Variants in APPL1 observed in about 807,000 individuals in gnomAD.
The protein encoded by APPL1 is adaptor protein, phosphotyrosine interacting with PH domain and leucine zipper 1.
Under a neutral mutation model 106.8 loss-of-function variants are expected in APPL1, and 42 were observed. The observed-to-expected ratio is 0.39, with a 90% CI of 0.31 to 0.51. APPL1 has a LOEUF of 0.51. Among genes scored for constraint, APPL1 ranks in the 20% least tolerant of loss-of-function variants. The probability of loss-of-function intolerance (pLI) is 0.75; values close to 1 mark genes in which losing one functional copy is unlikely to be tolerated. For missense variants in APPL1, 769 were observed against 858.2 expected, an observed-to-expected ratio of 0.90 and a Z score of 1.30; for synonymous variants, 263 against 281.8, an observed-to-expected ratio of 0.93 and a Z score of 0.67.
chr3:57,252,209 C>T (rs556281966), intron 11 of APPL1, 60 bp from the exon 12 acceptor site: 13 of 1,394,286 alleles, frequency 9.3e-6, no homozygotes, highest in Admixed American at 6.3e-5. Flanking sequence ...AAAGTTACCT[C>T]GGATTATGTT....
intron 1 of APPL1, among the ~76,000 whole-genome samples, chr3:57,230,164 C>T (rs1289450458): frequency 6.6e-6 from 1 of 152,152 alleles, no homozygotes; most frequent in African/African-American, 2.4e-5. Context: ...ATTCTTAGGT[C>T]GAACCTGTGG....
At chr3:57,253,453 G>A (rs983662518) in intron 12 of APPL1, among the ~76,000 whole-genome samples, 1 of 151,504 alleles carries the variant, frequency 6.6e-6, no homozygotes, top group Non-Finnish European at 1.5e-5. Flanking sequence ...TGTTGAATGT[G>A]CTTTTATATA....
At chr3:57,237,351 C>T in intron 2 of APPL1, 141 bp from the exon 3 acceptor site, 2 of 605,668 alleles carry the variant, frequency 3.3e-6, no homozygotes, top group Non-Finnish European at 5.8e-6. Context: ...ATGGTAGTAC[C>T]CCTTTCCAGT....
Position 57,260,149 on chromosome 3 carries a change from T to C in APPL1, c.1691T>C (p.Leu564Pro). 1 of 1,603,858 alleles carries C rather than the reference T, an allele frequency of 6.2e-7. No individual in the cohort carries two copies. Among genetic ancestry groups the C allele is most frequent in the Non-Finnish European group, 8.5e-7 (1 of 1,178,074 alleles). Residue 564 changes from leucine (L) to proline (P), a missense_variant, in exon 18 of 22, where the codon CTC becomes CCC. Physicochemically the swap from Leu to Pro is moderately conservative, Grantham distance 98. Coordinates refer to ENST00000288266, the MANE Select transcript of APPL1 (RefSeq NM_012096.3). ...LIDPQTQVTR[L>P]TFPLPCVVLY... ...GATCCACAGACACAAGTTACAAGGC[T>C]CACGGTGAGTTCCACATGATTTAAG...
At chr3:57,252,478 TTCTTAA>T (rs1248264742) in intron 12 of APPL1, among the ~76,000 whole-genome samples, 167 bp downstream of exon 12, 1 of 152,208 alleles carries the variant, frequency 6.6e-6, no homozygotes, top group Non-Finnish European at 1.5e-5. Context: ...TCGAGCAATA[TTCTTAA>T]GTTTCTCACA....
intron 13 of APPL1, among the ~76,000 whole-genome samples, chr3:57,253,990 G>T (rs1040450251): frequency 6.6e-6 from 1 of 151,782 alleles, no homozygotes; most frequent in Non-Finnish European, 1.5e-5. Flanking sequence ...AGCCTCACCA[G>T]TAGCTGAGAT....
chr3:57,272,085 T>G lies in APPL1; in HGVS notation c.*2398T>G, dbSNP rs992979332. The G allele has an allele frequency of 6.6e-6, 1 of 152,214 alleles. No homozygotes were observed. The highest frequency in any genetic ancestry group is 1.5e-5 in the Non-Finnish European group (1 of 68,036). The allele number at this position is 152,214 out of a possible 1,614,324, so 9.4% of individuals were successfully genotyped here. On this transcript the variant is annotated 3_prime_UTR_variant, in exon 22 of 22. Transcript: ENST00000288266. ...ACTGGATTCGATTTTGGGATATCTT[T>G]TCTCACATTCAGACTTACACTTAAT...
intron 1 of APPL1, among the ~76,000 whole-genome samples, chr3:57,230,145 T>G (rs1223914511): frequency 6.6e-5 from 10 of 152,222 alleles, no homozygotes; most frequent in Admixed American, 6.5e-4. Context: ...GTGTACATAC[T>G]TGGAGGTGAT....
intron 1 of APPL1, among the ~76,000 whole-genome samples, chr3:57,232,914 A>G (rs2060694948): frequency 6.6e-6 from 1 of 152,160 alleles, no homozygotes; most frequent in Admixed American, 6.5e-5. Context: ...AGGCAGGAGA[A>G]TGGCATGAAT....
intron 19 of APPL1, among the ~76,000 whole-genome samples, chr3:57,261,705 A>G (rs1446620836): frequency 6.6e-6 from 1 of 151,864 alleles, no homozygotes; most frequent in Non-Finnish European, 1.5e-5. Context: ...TTTTTAGTAG[A>G]GACGGGGTTT....
chr3:57,230,691 T>C (rs1010294857), intron 1 of APPL1: 6 of 399,396 alleles, frequency 1.5e-5, no homozygotes, highest in Non-Finnish European at 3.0e-5. Flanking sequence ...AATTTTCTTC[T>C]CAGTTTGAAC....
Position 57,252,271 on chromosome 3 carries a change from C to T in APPL1, c.1055C>T (p.Ser352Phe). ...CTCAAACGTCTCTTCTCTTCCAGATCTTCAATTTTGCAAGCAGAGAGTAAA... is the reference window on the plus strand; with the variant it reads ...CTCAAACGTCTCTTCTCTTCCAGATTTTCAATTTTGCAAGCAGAGAGTAAA... ...FQITSFDGKK[S>F]SILQAESKKD... Residue 352 changes from serine to phenylalanine, a missense_variant and splice_region_variant, in exon 12 of 22, where the codon TCT becomes TTT. Physicochemically the swap from Ser to Phe is radical, Grantham distance 155 (BLOSUM62 -2). Transcript: ENST00000288266. 1 of 1,608,946 alleles carries T rather than the reference C, an allele frequency of 6.2e-7. No homozygotes were observed. The highest frequency in any genetic ancestry group is 8.5e-7 in the Non-Finnish European group (1 of 1,177,932).
chr3:57,245,797 G>A (rs1247884790), intron 7 of APPL1, among the ~76,000 whole-genome samples: 2 of 151,908 alleles, frequency 1.3e-5, no homozygotes, highest in Admixed American at 1.3e-4. Context: ...GTCCCGCCTC[G>A]GCCTCCCAAA....
Position 57,233,499 on chromosome 3 carries a change from C to A in APPL1, c.55-2067C>A, listed in dbSNP as rs916166535. Among the ~76,000 whole-genome samples the A allele has an allele frequency of 2.8e-3, 397 of 140,692 alleles. 3 individuals are homozygous for A. The highest frequency in any genetic ancestry group is 4.1e-3 in the Admixed American group (57 of 13,960). The allele number at this position is 140,692 out of a possible 152,430, so 92.3% of individuals were successfully genotyped here. A position where few individuals can be genotyped will look rare whatever the true frequency, so the allele number is the denominator to read the frequency against. ...TACCCATTTTTAGAAAAAAAAAAAA[C>A]AAAACAGAAACGAAGCGGCAGATTT... On this transcript the variant is annotated intron_variant, in intron 1 of 21. Coordinates refer to ENST00000288266, the MANE Select transcript of APPL1 (RefSeq NM_012096.3).
intron 19 of APPL1, among the ~76,000 whole-genome samples, chr3:57,265,273 C>T (rs2060888710): frequency 1.3e-5 from 2 of 152,072 alleles, no homozygotes; most frequent in Non-Finnish European, 2.9e-5. Context: ...CTCAGCCTCC[C>T]AGGTACCTGG....
intron 19 of APPL1, among the ~76,000 whole-genome samples, chr3:57,265,572 T>C (rs1373648928): frequency 6.6e-6 from 1 of 152,232 alleles, no homozygotes; most frequent in Admixed American, 6.5e-5. Context: ...TGTTGGCATA[T>C]AGAAATGCTA....
intron 7 of APPL1, among the ~76,000 whole-genome samples, chr3:57,245,411 C>T (rs1055388770): frequency 6.6e-6 from 1 of 152,168 alleles, no homozygotes; most frequent in African/African-American, 2.4e-5. Context: ...GTGAACTGAT[C>T]AAAGTCAAAG....
At chr3:57,251,496 G>T (rs2107604630) in intron 11 of APPL1, among the ~76,000 whole-genome samples, 1 of 147,828 alleles carries the variant, frequency 6.8e-6, no homozygotes, top group Middle Eastern at 3.6e-3. Flanking sequence ...CTGCACTTCA[G>T]CCTGGGTGAC....
rs1196690711 is a variant in APPL1, at chr3:57,271,442, C to G, written c.*1755C>G. 1 of 152,438 alleles carries G rather than the reference C, an allele frequency of 6.6e-6. No individual in the cohort carries two copies. The highest frequency in any genetic ancestry group is 2.4e-5 in the African/African-American group (1 of 41,402). 9.4% of individuals were successfully genotyped at this position (152,438 alleles called of 1,614,324 possible). ...ATGCTTTCACAATAGTGTATCAGTT[C>G]TTTTGTTTTGTTAAAGTTGGAATTT... On this transcript the variant is annotated 3_prime_UTR_variant, in exon 22 of 22. Coordinates refer to ENST00000288266, the MANE Select transcript of APPL1 (RefSeq NM_012096.3).
Sources: gnomAD v4.1 joint callset for allele counts (sites outside exome capture counted in the v4.1 genomes callset) on GRCh38, gnomAD v4.1.1 for gene constraint, MANE v1.5 for transcripts, NCBI Gene and HGNC (gene_info 2026-07-23, HGNC 2026-07-21) for gene names.